SGCZ: variants seen among roughly 807,000 people sequenced by gnomAD.
The protein encoded by SGCZ is zeta-sarcoglycan.
In SGCZ, 40 loss-of-function variants were observed where a neutral mutation model predicts 41.3. That is an observed-to-expected ratio of 0.97 (90% CI 0.75 to 1.26). The LOEUF is 1.26. SGCZ is among the 50% of genes most tolerant of loss of function. SGCZ has a pLI of 0.00. For synonymous variants in SGCZ, 206 were observed against 137.5 expected, an observed-to-expected ratio of 1.50 and a Z score of -3.49; for missense variants, 552 against 369.8, an observed-to-expected ratio of 1.49 and a Z score of -4.04.
chr8:14,898,079 G>C (rs890192453), intron 1 of SGCZ, among the ~76,000 whole-genome samples: 1 of 151,518 alleles, frequency 6.6e-6, no homozygotes. Flanking sequence ...AAGGAACTCT[G>C]AGAAAACAAC....
chr8:15,125,105 A>C (rs1807632015), intron 1 of SGCZ, among the ~76,000 whole-genome samples: 1 of 152,320 alleles, frequency 6.6e-6, no homozygotes, highest in East Asian at 1.9e-4. Flanking sequence ...TTGTTTTACC[A>C]TCTTCTTTGG....
At chr8:14,915,271 G>C (rs17120597) in intron 1 of SGCZ, among the ~76,000 whole-genome samples, 8,189 of 152,122 alleles carry the variant, frequency 0.054, 280 homozygotes, top group Middle Eastern at 0.078. Flanking sequence ...ATGCTGTTAT[G>C]GTAATTCAAC....
intron 3 of SGCZ, among the ~76,000 whole-genome samples, chr8:14,282,986 A>G (rs894838604): frequency 6.7e-6 from 1 of 148,762 alleles, no homozygotes; most frequent in Non-Finnish European, 1.5e-5. Context: ...AGTAGCTGGG[A>G]CTACAGGTGC....
intron 2 of SGCZ, among the ~76,000 whole-genome samples, chr8:14,550,870 G>C (rs73533143): frequency 0.011 from 1,623 of 151,776 alleles, 21 homozygotes; most frequent in African/African-American, 0.037. Flanking sequence ...ACAGATAGTT[G>C]TTCTAAAATT....
At chr8:15,137,521 T>C (rs1386630248) in intron 1 of SGCZ, among the ~76,000 whole-genome samples, 1 of 152,138 alleles carries the variant, frequency 6.6e-6, no homozygotes, top group African/African-American at 2.4e-5. Flanking sequence ...AATGGTTTCC[T>C]GGGCTGGGCC....
At chr8:14,557,130 AG>A in intron 1 of SGCZ, among the ~76,000 whole-genome samples, 1 of 151,692 alleles carries the variant, frequency 6.6e-6, no homozygotes, top group Non-Finnish European at 1.5e-5. Context: ...GCCATTTTTG[AG>A]GTAGTAAGGT....
chr8:14,839,755 G>A lies in SGCZ; in HGVS notation c.40-284829C>T, dbSNP rs191101660. Among the ~76,000 whole-genome samples, 128 of 152,000 alleles carry A rather than the reference G, an allele frequency of 8.4e-4. 1 individual carries two copies. Among genetic ancestry groups the A allele is most frequent in the African/African-American group, 2.3e-3 (94 of 41,500 alleles). On this transcript the variant is annotated intron_variant, in intron 1 of 7. Transcript: ENST00000382080. Reference sequence around the variant, plus strand: ...GGCTTAAGTTCTCTCAATTAGTTACGTATTTCTTGTAAACAAAAATAATTT... The same window carrying A: ...GGCTTAAGTTCTCTCAATTAGTTACATATTTCTTGTAAACAAAAATAATTT...
At chr8:14,958,069 T>C (rs1330595727) in intron 1 of SGCZ, among the ~76,000 whole-genome samples, 1 of 152,120 alleles carries the variant, frequency 6.6e-6, no homozygotes, top group Non-Finnish European at 1.5e-5. Context: ...TTTAGCATTT[T>C]ACTCATGAAA....
At chr8:14,255,059 T>C (rs73519430) in intron 3 of SGCZ, among the ~76,000 whole-genome samples, 15,615 of 152,138 alleles carry the variant, frequency 0.1, 948 homozygotes, top group East Asian at 0.25. Context: ...ATGTCCTCTA[T>C]GTATCTCAGT....
At chr8:14,106,113 G>A (rs538416789) in intron 6 of SGCZ, among the ~76,000 whole-genome samples, 1 of 152,028 alleles carries the variant, frequency 6.6e-6, no homozygotes, top group Non-Finnish European at 1.5e-5. Context: ...TCATTTTTCA[G>A]CTTTGCTAAG....
At chr8:14,667,550 T>C (rs1308679488) in intron 1 of SGCZ, among the ~76,000 whole-genome samples, 2 of 152,186 alleles carry the variant, frequency 1.3e-5, no homozygotes, top group African/African-American at 2.4e-5. Flanking sequence ...TATTCTACTT[T>C]ATGAAGTACC....
chr8:14,247,022 T>C (rs556498661), intron 3 of SGCZ, among the ~76,000 whole-genome samples: 2 of 152,124 alleles, frequency 1.3e-5, no homozygotes, highest in African/African-American at 4.8e-5. Flanking sequence ...GTGCTTATTA[T>C]GAAAATAAAC....
At chr8:14,582,495 A>C (rs1804924203) in intron 1 of SGCZ, among the ~76,000 whole-genome samples, 1 of 151,516 alleles carries the variant, frequency 6.6e-6, no homozygotes, top group Non-Finnish European at 1.5e-5. Flanking sequence ...AAGTTCCCAC[A>C]CTCTTTTCTT....
At chr8:14,809,706 T>C (rs973491540) in intron 1 of SGCZ, among the ~76,000 whole-genome samples, 2 of 152,094 alleles carry the variant, frequency 1.3e-5, no homozygotes, top group African/African-American at 4.8e-5. Flanking sequence ...AAAATGGAAA[T>C]GTACATCCAA....
intron 1 of SGCZ, among the ~76,000 whole-genome samples, chr8:14,942,661 A>C (rs1187748809): frequency 6.6e-6 from 1 of 152,054 alleles, no homozygotes; most frequent in Non-Finnish European, 1.5e-5. Context: ...CATTTTCCCA[A>C]ATTTCCATCA....
chr8:14,311,134 G>A (rs1801528206), intron 3 of SGCZ, among the ~76,000 whole-genome samples: 2 of 151,952 alleles, frequency 1.3e-5, no homozygotes, highest in African/African-American at 4.8e-5. Flanking sequence ...ATTCCTCATA[G>A]CCCGATTCAA....
At chr8:14,258,017 T>C (rs1050897835) in intron 3 of SGCZ, among the ~76,000 whole-genome samples, 1 of 152,208 alleles carries the variant, frequency 6.6e-6, no homozygotes, top group Admixed American at 6.5e-5. Context: ...TGGTAGTTTG[T>C]TGAATAAGAA....
At chr8:14,191,677 A>G (rs955564630) in intron 4 of SGCZ, among the ~76,000 whole-genome samples, 1 of 152,192 alleles carries the variant, frequency 6.6e-6, no homozygotes, top group Non-Finnish European at 1.5e-5. Flanking sequence ...AGAACTTGAG[A>G]TTGTATCACT....
chr8:14,594,303 A>C (rs1805338451), intron 1 of SGCZ, among the ~76,000 whole-genome samples: 2 of 151,984 alleles, frequency 1.3e-5, no homozygotes, highest in African/African-American at 4.8e-5. Flanking sequence ...ATCTTTATCA[A>C]GTTTGGGGAT....
Sources: allele counts gnomAD v4.1 joint callset (sites outside exome capture counted in the v4.1 genomes callset), GRCh38; gene constraint gnomAD v4.1.1; transcripts MANE v1.5; gene names NCBI Gene and HGNC (gene_info 2026-07-23, HGNC 2026-07-21).